TBC1D5: variants seen among roughly 807,000 people sequenced by gnomAD.
TBC1D5 encodes TBC1 domain family, member 5.
A neutral mutation model predicts 100.3 loss-of-function variants in TBC1D5; 75 were observed. That is an observed-to-expected ratio of 0.75 (90% CI 0.62 to 0.91). The LOEUF (loss-of-function observed/expected upper bound fraction) is 0.91, where lower values mean the gene tolerates loss of function less well. Ranked by LOEUF, TBC1D5 falls within the 40% of genes least tolerant of loss-of-function variation. TBC1D5 has a pLI of 0.00. For missense variants in TBC1D5, 910 were observed against 942.4 expected (o/e 0.97, Z 0.45); for synonymous variants, 323 against 325.6 (o/e 0.99, Z 0.09).
At chr3:17,739,527 C>G (rs2077227020) in exon 1 of TBC1D5, 1 of 151,924 alleles carries the variant, frequency 6.6e-6, no homozygotes, top group African/African-American at 2.4e-5. Context: ...GAGGACAAGC[C>G]CAGGCAGGAA....
chr3:17,657,523 G>C (rs370711992), intron 1 of TBC1D5, among the ~76,000 whole-genome samples: 1 of 151,956 alleles, frequency 6.6e-6, no homozygotes, highest in Admixed American at 6.6e-5. Context: ...TTTTAGTAAA[G>C]ACAGGGTTTC....
intron 17 of TBC1D5, among the ~76,000 whole-genome samples, chr3:17,233,168 A>G (rs889696986): frequency 1.3e-5 from 2 of 152,334 alleles, no homozygotes; most frequent in African/African-American, 2.4e-5. Context: ...GTTACCATAA[A>G]TGAAGATTTG....
At chr3:17,229,007 A>G (rs1244682031) in intron 17 of TBC1D5, among the ~76,000 whole-genome samples, 1 of 152,074 alleles carries the variant, frequency 6.6e-6, no homozygotes, top group African/African-American at 2.4e-5. Context: ...ACCAAATTCG[A>G]TAGGAAATAA....
At chr3:17,274,630 C>T (rs1343810258) in intron 15 of TBC1D5, among the ~76,000 whole-genome samples, 1 of 152,138 alleles carries the variant, frequency 6.6e-6, no homozygotes, top group East Asian at 1.9e-4. Context: ...ACTTTTCTGC[C>T]TTCTACAAAT....
At chr3:17,580,021 C>T (rs2096683589) in intron 2 of TBC1D5, among the ~76,000 whole-genome samples, 2 of 152,026 alleles carry the variant, frequency 1.3e-5, no homozygotes, top group African/African-American at 2.4e-5. Context: ...ACTTGGCATC[C>T]GTAGATTTTT....
intron 9 of TBC1D5, among the ~76,000 whole-genome samples, chr3:17,380,045 A>ATATGTGTGTGTGTGTG (rs61397296): frequency 1.3e-4 from 15 of 112,450 alleles, no homozygotes; most frequent in Non-Finnish European, 1.7e-4. Context: ...GTGACTGTGT[A>ATATGTGTGTGTGTGTG]TGTGTGTGTG....
chr3:17,741,411 T>C (rs1254122589), upstream of TBC1D5, among the ~76,000 whole-genome samples: 3 of 152,236 alleles, frequency 2.0e-5, no homozygotes, highest in Non-Finnish European at 4.4e-5. Flanking sequence ...TTGCCACCGA[T>C]AGCAAAGGCT....
chr3:17,738,330 ATATC>A (rs2077127287), intron 1 of TBC1D5, among the ~76,000 whole-genome samples: 2 of 152,192 alleles, frequency 1.3e-5, no homozygotes, highest in African/African-American at 2.4e-5. Context: ...TATCCACAGA[ATATC>A]TATCACTTAC....
Position 17,473,182 on chromosome 3 carries a change from G to A in TBC1D5, c.97+35292C>T, listed in dbSNP as rs960682144. On this transcript the variant is annotated intron_variant, in intron 3 of 21. Coordinates refer to ENST00000253692, the Ensembl canonical transcript of TBC1D5. ...GCATTTTAGGAGGCCGAGACAGAAG[G>A]ATCACAGGACTTGAGCCCAGGAGTT... Among the ~76,000 whole-genome samples, 5 of 152,168 alleles carry A rather than the reference G, an allele frequency of 3.3e-5. No individual in the cohort carries two copies. In the East Asian group the frequency reaches 9.6e-4, roughly 29 times the overall value.
chr3:17,188,416 T>G (rs561125002), intron 18 of TBC1D5, among the ~76,000 whole-genome samples: 1 of 152,278 alleles, frequency 6.6e-6, no homozygotes, highest in South Asian at 2.1e-4. Flanking sequence ...AAGGCAACTT[T>G]GAATCAGATA....
At chr3:17,508,252 C>T (rs1296242050) in intron 3 of TBC1D5, among the ~76,000 whole-genome samples, 1 of 152,134 alleles carries the variant, frequency 6.6e-6, no homozygotes, top group Non-Finnish European at 1.5e-5. Context: ...AACGACAGTG[C>T]GTTAAACATT....
intron 13 of TBC1D5, among the ~76,000 whole-genome samples, chr3:17,317,231 G>A (rs146402759): frequency 1.3e-5 from 2 of 152,144 alleles, no homozygotes; most frequent in African/African-American, 4.8e-5. Flanking sequence ...AAGTATTAAC[G>A]GTTTTTGGAT....
intron 3 of TBC1D5, among the ~76,000 whole-genome samples, chr3:17,439,803 T>C (rs1440320372): frequency 1.3e-5 from 2 of 152,218 alleles, no homozygotes; most frequent in Non-Finnish European, 2.9e-5. Flanking sequence ...GCTATTCCTT[T>C]AAATATGCTA....
chr3:17,557,607 G>A (rs535978133), intron 2 of TBC1D5, among the ~76,000 whole-genome samples: 13 of 152,202 alleles, frequency 8.5e-5, no homozygotes, highest in African/African-American at 3.1e-4. Context: ...CTGGAGTGTA[G>A]TGGCATAGTC....
At chr3:17,383,060 T>C (rs1034960319) in intron 9 of TBC1D5, among the ~76,000 whole-genome samples, 3 of 152,040 alleles carry the variant, frequency 2.0e-5, no homozygotes, top group African/African-American at 7.2e-5. Context: ...TCTATGTATA[T>C]ACAATAATTA....
intron 2 of TBC1D5, 34 bp from the exon 3 acceptor site, chr3:17,508,639 A>C: frequency 9.3e-7 from 1 of 1,077,718 alleles, no homozygotes; most frequent in Non-Finnish European, 1.4e-6. Flanking sequence ...AAAAATAATA[A>C]ATTCTTTTTC....
chr3:17,497,341 C>T (rs1475264216), intron 3 of TBC1D5, among the ~76,000 whole-genome samples: 3 of 152,188 alleles, frequency 2.0e-5, no homozygotes, highest in Non-Finnish European at 4.4e-5. Flanking sequence ...GTTTGTCCAT[C>T]TCATGCTGAA....
At chr3:17,225,619 T>C (rs752028720) in intron 17 of TBC1D5, among the ~76,000 whole-genome samples, 13 of 151,744 alleles carry the variant, frequency 8.6e-5, no homozygotes, top group South Asian at 6.2e-4. Context: ...CTGGGCAACA[T>C]AGTGAGAACC....
intron 13 of TBC1D5, chr3:17,337,637 C>T (rs915930699): frequency 4.6e-5 from 7 of 152,064 alleles, no homozygotes; most frequent in Non-Finnish European, 5.9e-5. Context: ...CAAAAGCATC[C>T]TAATTAAGAC....
Sources: allele counts gnomAD v4.1 joint callset (sites outside exome capture counted in the v4.1 genomes callset), GRCh38; gene constraint gnomAD v4.1.1; transcripts MANE v1.5; gene names NCBI Gene and HGNC (gene_info 2026-07-23, HGNC 2026-07-21).